The following ADAMTS6 variants were observed in gnomAD, a reference collection of about 807,000 sequenced individuals.
The protein encoded by ADAMTS6 is A disintegrin and metalloproteinase with thrombospondin motifs 6.
ADAMTS6 carries 23 observed loss-of-function variants against 144.3 expected under a neutral mutation model. That is an observed-to-expected ratio of 0.16 (90% CI 0.11 to 0.23). The LOEUF (loss-of-function observed/expected upper bound fraction) is 0.23, where lower values mean the gene tolerates loss of function less well. ADAMTS6 is among the 10% of genes least tolerant of loss of function. The pLI is 1.00. For missense variants in ADAMTS6, 999 were observed against 1,379.6 expected (o/e 0.72, Z 4.37); for synonymous variants, 444 against 457.5 (o/e 0.97, Z 0.38).
At chr5:65,310,398 T>C (rs2112839445) in intron 9 of ADAMTS6, among the ~76,000 whole-genome samples, 1 of 152,276 alleles carries the variant, frequency 6.6e-6, no homozygotes, top group Middle Eastern at 3.4e-3. Flanking sequence ...TGGTAGCACA[T>C]GCCTATGGTC....
At chr5:65,183,511 T>C (rs1477062952) in intron 22 of ADAMTS6, among the ~76,000 whole-genome samples, 1 of 152,064 alleles carries the variant, frequency 6.6e-6, no homozygotes, top group African/African-American at 2.4e-5. Flanking sequence ...ATAGTATATA[T>C]AAGGTTCAGT....
At chr5:65,372,976 T>C (rs547247229) in intron 7 of ADAMTS6, among the ~76,000 whole-genome samples, 17 of 152,262 alleles carry the variant, frequency 1.1e-4, no homozygotes, top group South Asian at 2.1e-4. Flanking sequence ...CTCAACTACA[T>C]GGAAACTGAA....
At chr5:65,330,424 A>C (rs879663522) in intron 8 of ADAMTS6, among the ~76,000 whole-genome samples, 8 of 152,128 alleles carry the variant, frequency 5.3e-5, no homozygotes, top group African/African-American at 1.4e-4. Context: ...TTAGAAGTTG[A>C]AGGGGAAGTA....
intron 24 of ADAMTS6, among the ~76,000 whole-genome samples, chr5:65,157,548 C>G (rs1252404828): frequency 1.3e-5 from 2 of 152,128 alleles, no homozygotes; most frequent in Admixed American, 6.5e-5. Flanking sequence ...GAATGCATGC[C>G]CTCTGTTTCT....
chr5:65,302,104 AAAAATAT>A lies in ADAMTS6; in HGVS notation c.1224-1980_1224-1974del, dbSNP rs1196521219. On this transcript the variant is annotated intron_variant, in intron 9 of 24. Coordinates refer to ENST00000381055, the MANE Select transcript of ADAMTS6 (RefSeq NM_197941.4). Reference sequence around the variant, plus strand: ...AAGGCTCTGTCTCCAAAAAAAAAAAAAAAATATATATATATATATATATATGCACATA... The same window carrying A: ...AAGGCTCTGTCTCCAAAAAAAAAAAAATATATATATATATATATGCACATA... 1.5e-3 allele frequency among the ~76,000 whole-genome samples: 64 copies of A among 42,258 alleles called. 1 individual carries two copies. The highest frequency in any genetic ancestry group is 2.4e-3 in the Non-Finnish European group (45 of 18,484). The allele number at this position is 42,258 out of a possible 152,430, so 27.7% of individuals were successfully genotyped here. A position where few individuals can be genotyped will look rare whatever the true frequency, so the allele number is the denominator to read the frequency against.
chr5:65,477,472 G>A (rs893036668), intron 1 of ADAMTS6, among the ~76,000 whole-genome samples: 3 of 152,042 alleles, frequency 2.0e-5, no homozygotes, highest in African/African-American at 7.2e-5. Flanking sequence ...GAAATGTCCT[G>A]CTCTTTTTGT....
chr5:65,287,643 G>A (rs1319253273), intron 11 of ADAMTS6, among the ~76,000 whole-genome samples: 1 of 152,110 alleles, frequency 6.6e-6, no homozygotes, highest in African/African-American at 2.4e-5. Flanking sequence ...CCATTTTCCA[G>A]CCTCAGCCTC....
At chr5:65,439,615 C>T (rs1757715716) in intron 7 of ADAMTS6, among the ~76,000 whole-genome samples, 1 of 151,978 alleles carries the variant, frequency 6.6e-6, no homozygotes, top group Non-Finnish European at 1.5e-5. Context: ...GACTCTTGAA[C>T]AAGACAAGTA....
intron 7 of ADAMTS6, among the ~76,000 whole-genome samples, chr5:65,422,190 AT>A (rs1756103663): frequency 6.6e-6 from 1 of 152,274 alleles, no homozygotes; most frequent in African/African-American, 2.4e-5. Context: ...TGGCCAAAAA[AT>A]ATATGAAAAA....
intron 11 of ADAMTS6, among the ~76,000 whole-genome samples, chr5:65,276,384 T>C (rs957976649): frequency 3.3e-5 from 5 of 152,202 alleles, no homozygotes; most frequent in Admixed American, 6.5e-5. Flanking sequence ...GAACTAGTCA[T>C]GGAGAAGGCT....
intron 18 of ADAMTS6, among the ~76,000 whole-genome samples, chr5:65,217,821 T>C (rs1481368020): frequency 1.3e-5 from 2 of 152,174 alleles, no homozygotes; most frequent in Admixed American, 6.5e-5. Flanking sequence ...AAACATCAAA[T>C]AAATAGAACT....
chr5:65,364,060 T>C (rs75692340), intron 7 of ADAMTS6, among the ~76,000 whole-genome samples: 2,142 of 152,308 alleles, frequency 0.014, 33 homozygotes, highest in East Asian at 0.083. Flanking sequence ...GAAGATTTGA[T>C]AAGGACTCTA....
At chr5:65,179,009 C>T (rs756681216) in intron 22 of ADAMTS6, among the ~76,000 whole-genome samples, 2 of 150,816 alleles carry the variant, frequency 1.3e-5, no homozygotes, top group Non-Finnish European at 3.0e-5. Context: ...ACGGGAGCTT[C>T]GCTAACGCCT....
rs397976555 is a variant in ADAMTS6 at position 65,452,462 on chromosome 5, T to TA, written c.843+244dup. ...TAGAGGGTGAGCTGATGTTTCAAGTTAAAAAAAAAAAAAAACCCTTAAACA... is the reference window on the plus strand; with the variant it reads ...TAGAGGGTGAGCTGATGTTTCAAGTTAAAAAAAAAAAAAAAACCCTTAAACA... On this transcript the variant is annotated intron_variant, in intron 5 of 24. Coordinates refer to ENST00000381055, the MANE Select transcript of ADAMTS6 (RefSeq NM_197941.4). Among the ~76,000 whole-genome samples the TA allele has an allele frequency of 5.5e-3, 754 of 137,590 alleles. 5 individuals are homozygous for TA. The highest frequency in any genetic ancestry group is 7.6e-3 in the African/African-American group (283 of 37,114). 90.3% of individuals were successfully genotyped at this position (137,590 alleles called of 152,430 possible).
At chr5:65,344,022 C>T (rs1175515775) in intron 7 of ADAMTS6, among the ~76,000 whole-genome samples, 1 of 151,986 alleles carries the variant, frequency 6.6e-6, no homozygotes, top group East Asian at 1.9e-4. Context: ...TGTAAAATAT[C>T]TCCCTGGCTA....
Position 65,369,334 on chromosome 5 carries a change from C to A in ADAMTS6, c.1074-35249G>T, listed in dbSNP as rs562441316. ...GTAGAGCTGGCTAGGGCAGAGTAGA[C>A]TATAGACATTATTATTCTAAACCAT... On this transcript the variant is annotated intron_variant, in intron 7 of 24. Transcript: ENST00000381055. Among the ~76,000 whole-genome samples the A allele has an allele frequency of 1.2e-4, 18 of 152,276 alleles. No homozygotes were observed. The South Asian group carries it at 3.3e-3, about 28-fold the overall frequency.
chr5:65,170,534 G>T, intron 24 of ADAMTS6, 83 bp downstream of exon 24: 1 of 1,453,026 alleles, frequency 6.9e-7, no homozygotes, highest in Admixed American at 1.8e-5. Flanking sequence ...CTACAGTAGT[G>T]GGTTTACTGT....
At chr5:65,244,369 G>A (rs550536833) in intron 14 of ADAMTS6, among the ~76,000 whole-genome samples, 5 of 152,164 alleles carry the variant, frequency 3.3e-5, no homozygotes, top group South Asian at 2.1e-4. Flanking sequence ...CATGAAGGCC[G>A]TTCGCTTAAA....
intron 7 of ADAMTS6, among the ~76,000 whole-genome samples, chr5:65,351,532 T>G (rs569942469): frequency 2.6e-5 from 4 of 152,196 alleles, no homozygotes; most frequent in Admixed American, 6.5e-5. Flanking sequence ...ATTGAATAAA[T>G]CTGTTTGAAT....
Sources: allele counts gnomAD v4.1 joint callset (sites outside exome capture counted in the v4.1 genomes callset), GRCh38; gene constraint gnomAD v4.1.1; transcripts MANE v1.5; gene names NCBI Gene and HGNC (gene_info 2026-07-23, HGNC 2026-07-21).